Variants in CLVS1 observed in about 807,000 individuals in gnomAD.
CLVS1 encodes the protein clavesin 1.
A neutral mutation model predicts 33.1 loss-of-function variants in CLVS1; 10 were observed. The ratio of observed to expected loss-of-function variants is 0.30; its 90% CI spans 0.19 to 0.51. The LOEUF is 0.51. CLVS1 is among the 20% of genes least tolerant of loss of function. The pLI is 0.97. For missense variants in CLVS1, 343 were observed against 433.4 expected (o/e 0.79, Z 1.85); for synonymous variants, 163 against 166.1 (o/e 0.98, Z 0.14).
intron 2 of CLVS1, among the ~76,000 whole-genome samples, chr8:61,362,522 A>G (rs1047234014): frequency 1.3e-5 from 2 of 152,092 alleles, no homozygotes; most frequent in Non-Finnish European, 2.9e-5. Flanking sequence ...TACCATTTGG[A>G]TGGTATATTA....
At chr8:61,282,894 T>G (rs1366465261) in intron 2 of CLVS1, among the ~76,000 whole-genome samples, 1 of 152,214 alleles carries the variant, frequency 6.6e-6, no homozygotes, top group Non-Finnish European at 1.5e-5. Flanking sequence ...ACTATAGTAC[T>G]CTGTTTTCAT....
Position 61,357,489 on chromosome 8 carries a change from C to CTTTTTTTTTTTTTTTTTTTTT in CLVS1, c.456-19112_456-19111insTTTTTTTTTTTTTTTTTTTTT, listed in dbSNP as rs1462908906. On this transcript the variant is annotated intron_variant, in intron 2 of 5. Transcript: ENST00000325897. Reference sequence around the variant, plus strand: ...TTTTCCTTCTTTTTCTTTCCTTTTTCTTTTCTTTTTTTTTTTTTTTTTTTT... The same window carrying CTTTTTTTTTTTTTTTTTTTTT: ...TTTTCCTTCTTTTTCTTTCCTTTTTCTTTTTTTTTTTTTTTTTTTTTTTTTCTTTTTTTTTTTTTTTTTTTT... Among the ~76,000 whole-genome samples the CTTTTTTTTTTTTTTTTTTTTT allele has an allele frequency of 2.3e-4, 7 of 30,264 alleles. 1 individual carries two copies. In the East Asian group the frequency reaches 4.8e-3, roughly 21 times the overall value. 19.9% of individuals were successfully genotyped at this position (30,264 alleles called of 152,430 possible).
rs1804511937 is a variant in CLVS1 at position 61,499,941 on chromosome 8, T to G, written c.*399T>G. On this transcript the variant is annotated 3_prime_UTR_variant, in exon 6 of 6. Transcript: ENST00000325897. ...AAAATTAAGTGCATTTCCAAGTAAA[T>G]GTATCAGAGTTAAACTGTACAGACA... 1 of 175,596 alleles carries G rather than the reference T, an allele frequency of 5.7e-6. No individual in the cohort carries two copies. The highest frequency in any genetic ancestry group is 2.3e-5 in the African/African-American group (1 of 42,704). The allele number at this position is 175,596 out of a possible 1,614,324, so 10.9% of individuals were successfully genotyped here.
the CLVS1 span, among the ~76,000 whole-genome samples, chr8:60,998,221 A>T: frequency 6.6e-5 from 10 of 152,268 alleles, no homozygotes; most frequent in South Asian, 2.1e-3. Context: ...AGAGCAGGAC[A>T]TGCAGAGGGA....
chr8:60,988,760 TTGTA>T, the CLVS1 span, among the ~76,000 whole-genome samples: 2 of 152,204 alleles, frequency 1.3e-5, no homozygotes, highest in African/African-American at 4.8e-5. Flanking sequence ...TACTACAACT[TTGTA>T]TGCCTTAAAA....
intron 1 of CLVS1, among the ~76,000 whole-genome samples, chr8:61,123,796 T>C (rs1196668936): frequency 6.6e-6 from 1 of 152,164 alleles, no homozygotes; most frequent in African/African-American, 2.4e-5. Flanking sequence ...GGCATTGGCT[T>C]CCACTGGGCT....
intron 2 of CLVS1, among the ~76,000 whole-genome samples, chr8:61,278,052 G>A (rs1809596976): frequency 6.6e-6 from 1 of 152,162 alleles, no homozygotes; most frequent in Non-Finnish European, 1.5e-5. Context: ...CTTTCTAATG[G>A]TGGTTTGGCA....
intron 5 of CLVS1, among the ~76,000 whole-genome samples, chr8:61,477,913 T>C (rs1430189070): frequency 2.0e-5 from 3 of 152,156 alleles, no homozygotes; most frequent in Non-Finnish European, 2.9e-5. Context: ...TTAGATCTTT[T>C]CTGCTTTCTT....
intron 1 of CLVS1, among the ~76,000 whole-genome samples, chr8:61,090,535 A>G (rs972896185): frequency 1.3e-5 from 2 of 152,190 alleles, no homozygotes; most frequent in Non-Finnish European, 1.5e-5. Context: ...CTTTAAAAAA[A>G]AAAGCGTGAT....
In CLVS1 at chr8:61,106,595, C is replaced by A. The variant is rs73685723; in HGVS notation, c.-242-25175C>A. 5.8e-3 allele frequency among the ~76,000 whole-genome samples: 887 copies of A among 152,302 alleles called. 5 individuals are homozygous for A. The highest frequency in any genetic ancestry group is 0.019 in the African/African-American group (786 of 41,562). On this transcript the variant is annotated intron_variant, in intron 1 of 2. Transcript: ENST00000522621. ...ACAGGAGGAGTTGCTGGCACCTCCG[C>A]GCAGGCGGTGGAGGGTGCTGTGCCT...
the CLVS1 span, among the ~76,000 whole-genome samples, chr8:60,974,063 C>G: frequency 6.6e-6 from 1 of 152,254 alleles, no homozygotes; most frequent in Non-Finnish European, 1.5e-5. Flanking sequence ...TGTTCTCTTA[C>G]TCCCAAAGGG....
chr8:61,193,421 T>C (rs1807536740), intron 2 of CLVS1, among the ~76,000 whole-genome samples: 1 of 151,914 alleles, frequency 6.6e-6, no homozygotes. Flanking sequence ...CTAATGTAAA[T>C]GACAAGTTAA....
the CLVS1 span, among the ~76,000 whole-genome samples, chr8:60,977,247 C>A: frequency 1.3e-5 from 2 of 152,178 alleles, no homozygotes; most frequent in African/African-American, 4.8e-5. Flanking sequence ...ACATAACACT[C>A]AAAATATTCA....
chr8:61,487,962 A>T lies in CLVS1; in HGVS notation c.978-11493A>T, dbSNP rs145424464. ...TTCTACCAAAGTAACTGCACTGAGC[A>T]TGTGCACCCCAGCTTTAGAGGGAGT... On this transcript the variant is annotated intron_variant, in intron 5 of 5. Coordinates refer to ENST00000325897, the MANE Select transcript of CLVS1 (RefSeq NM_173519.3). Among the ~76,000 whole-genome samples the T allele has an allele frequency of 7.7e-4, 118 of 152,322 alleles. 1 individual carries two copies. The highest frequency in any genetic ancestry group is 6.2e-3 in the East Asian group (32 of 5,182).
chr8:61,308,713 T>C (rs374456075), intron 2 of CLVS1, among the ~76,000 whole-genome samples: 2 of 152,258 alleles, frequency 1.3e-5, no homozygotes, highest in Non-Finnish European at 2.9e-5. Context: ...AATATCAGCA[T>C]CAATAACTAC....
chr8:61,023,399 G>A, the CLVS1 span, among the ~76,000 whole-genome samples: 3 of 152,156 alleles, frequency 2.0e-5, no homozygotes, highest in Non-Finnish European at 4.4e-5. Flanking sequence ...ACCATGCAGC[G>A]GCGTGCAATC....
At chr8:61,221,319 T>C (rs1005346011) in intron 2 of CLVS1, among the ~76,000 whole-genome samples, 3 of 152,200 alleles carry the variant, frequency 2.0e-5, no homozygotes, top group African/African-American at 7.2e-5. Flanking sequence ...TGGCTGTGGG[T>C]TTGTCATAAA....
intron 2 of CLVS1, among the ~76,000 whole-genome samples, chr8:61,281,131 G>C (rs1809663246): frequency 6.6e-6 from 1 of 152,130 alleles, no homozygotes; most frequent in Non-Finnish European, 1.5e-5. Flanking sequence ...AAAATCTCCA[G>C]AAAACTTCAA....
intron 2 of CLVS1, among the ~76,000 whole-genome samples, chr8:61,265,556 A>G (rs1809287855): frequency 6.6e-6 from 1 of 152,092 alleles, no homozygotes; most frequent in Non-Finnish European, 1.5e-5. Context: ...TATTGTTATG[A>G]TTTTCCCACA....
Sources: allele counts gnomAD v4.1 joint callset (sites outside exome capture counted in the v4.1 genomes callset), GRCh38; gene constraint gnomAD v4.1.1; transcripts MANE v1.5; gene names NCBI Gene and HGNC (gene_info 2026-07-23, HGNC 2026-07-21).